GDAP1: variants seen among roughly 807,000 people sequenced by gnomAD.
The protein encoded by GDAP1 is ganglioside induced differentiation associated protein 1.
In GDAP1, 34 loss-of-function variants were observed where a neutral mutation model predicts 40.1. The observed-to-expected ratio is 0.85, with a 90% CI of 0.64 to 1.13. The LOEUF (loss-of-function observed/expected upper bound fraction) is 1.13. Among genes scored for constraint, GDAP1 ranks in the 50% most tolerant of loss-of-function variants. The pLI is 0.00. For missense variants in GDAP1, 374 were observed against 433.7 expected (o/e 0.86, Z 1.22); for synonymous variants, 170 against 157.4 (o/e 1.08, Z -0.60).
chr8:74,377,835 A>G (rs1168818706), intron 2 of GDAP1, among the ~76,000 whole-genome samples: 3 of 152,230 alleles, frequency 2.0e-5, no homozygotes, highest in East Asian at 3.8e-4. Flanking sequence ...TTCACTGTTT[A>G]TAGCTGCTTT....
chr8:74,474,985 A>G (rs1031471154), intron 2 of GDAP1, among the ~76,000 whole-genome samples: 1 of 151,754 alleles, frequency 6.6e-6, no homozygotes, highest in Non-Finnish European at 1.5e-5. Flanking sequence ...TGGTCTGTTC[A>G]GTCTTCCTGG....
chr8:74,395,048 G>A (rs1359220480), intron 2 of GDAP1, among the ~76,000 whole-genome samples: 1 of 151,992 alleles, frequency 6.6e-6, no homozygotes, highest in Non-Finnish European at 1.5e-5. Flanking sequence ...ACTTCTCATG[G>A]GCATTTTCTA....
At chr8:74,426,351 A>ACAAGAAGGTT (rs1805947587) in intron 2 of GDAP1, among the ~76,000 whole-genome samples, 1 of 152,222 alleles carries the variant, frequency 6.6e-6, no homozygotes, top group Non-Finnish European at 1.5e-5. Flanking sequence ...TACTAATCAA[A>ACAAGAAGGTT]CAAGAAGGTT....
At position 74,411,881 on chromosome 8, in the gene GDAP1, C is replaced by CA. The variant is rs112264288; in HGVS notation, c.165+60570dup. Among the ~76,000 whole-genome samples the CA allele has an allele frequency of 8.2e-4, 118 of 143,910 alleles. 3 individuals carry two copies. The highest frequency in any genetic ancestry group is 2.6e-3 in the South Asian group (12 of 4,622). The allele number at this position is 143,910 out of a possible 152,430, so 94.4% of individuals were successfully genotyped here. A position where few individuals can be genotyped will look rare whatever the true frequency, so the allele number is the denominator to read the frequency against. On this transcript the variant is annotated intron_variant, in intron 2 of 2. Transcript: ENST00000523640. ...TGAGCAATGGAGCAAGACCTTGTCT[C>CA]AAAAAAAAAATAATAATAACTTATG...
At chr8:74,467,133 A>G (rs962962526) in intron 2 of GDAP1, among the ~76,000 whole-genome samples, 1 of 152,228 alleles carries the variant, frequency 6.6e-6, no homozygotes. Context: ...TCTCAGTGAA[A>G]TAGAAGCAAA....
In GDAP1 at chr8:74,362,660, G is replaced by C. The variant is rs17342145; in HGVS notation, c.580-279G>C. 8.3e-3 allele frequency among the ~76,000 whole-genome samples: 1,256 copies of C among 152,092 alleles called. 18 individuals are homozygous for C. Among genetic ancestry groups the C allele is most frequent in the South Asian group, 0.04 (193 of 4,810 alleles). ...TTGGGCTTGGCAGATGGCTCTTCGT[G>C]TCCCTCCCATTCTTTGCCTTCTGTG... is the stretch of plus-strand genomic sequence containing the variant. On this transcript the variant is annotated intron_variant, in intron 4 of 5. Transcript: ENST00000220822.
rs937624258 is a variant in GDAP1, at chr8:74,399,282, G to A, written c.165+47961G>A. Among the ~76,000 whole-genome samples, 5 of 149,952 alleles carry A rather than the reference G, an allele frequency of 3.3e-5. No homozygotes were observed. In the East Asian group the frequency reaches 5.8e-4, roughly 17 times the overall value. On this transcript the variant is annotated intron_variant, in intron 2 of 2. Transcript: ENST00000523640. ...TTCTTCCTGGTTTAGTCTTGGGAGG[G>A]CGTATGTGTCAAGGGATTTATCCAT...
intron 2 of GDAP1, among the ~76,000 whole-genome samples, chr8:74,443,769 C>T (rs1381634233): frequency 3.3e-5 from 5 of 152,178 alleles, no homozygotes; most frequent in African/African-American, 4.8e-5. Context: ...CTTAGTCATT[C>T]TTTTTTCCAC....
At chr8:74,363,776 T>A (rs1809484715) in intron 5 of GDAP1, among the ~76,000 whole-genome samples, 1 of 152,192 alleles carries the variant, frequency 6.6e-6, no homozygotes, top group Non-Finnish European at 1.5e-5. Flanking sequence ...GTCAAGCAAG[T>A]CTCCTTTGGC....
intron 2 of GDAP1, among the ~76,000 whole-genome samples, chr8:74,442,255 C>G (rs1806171118): frequency 6.6e-6 from 1 of 152,212 alleles, no homozygotes; most frequent in Non-Finnish European, 1.5e-5. Flanking sequence ...TAAGTTCTTC[C>G]TTATAGCAAC....
chr8:74,469,537 G>T (rs868585576), intron 2 of GDAP1, among the ~76,000 whole-genome samples: 2 of 151,742 alleles, frequency 1.3e-5, no homozygotes, highest in African/African-American at 2.4e-5. Context: ...GCGCGGTGGC[G>T]GGCGCCTGTA....
intron 2 of GDAP1, among the ~76,000 whole-genome samples, chr8:74,448,906 C>T (rs71527256): frequency 1.2e-3 from 186 of 151,938 alleles, no homozygotes; most frequent in Non-Finnish European, 2.1e-3. Context: ...TTTATGAAGT[C>T]CAAATTAGCA....
intron 2 of GDAP1, among the ~76,000 whole-genome samples, chr8:74,466,871 G>C (rs1806475848): frequency 6.6e-6 from 1 of 152,130 alleles, no homozygotes. Flanking sequence ...AGATATTCAA[G>C]ACAAATGACA....
chr8:74,438,247 C>T (rs182264878), intron 2 of GDAP1, among the ~76,000 whole-genome samples: 9 of 151,964 alleles, frequency 5.9e-5, no homozygotes, highest in Admixed American at 2.6e-4. Flanking sequence ...TCCAGCCTGA[C>T]GACAGAGCGA....
intron 2 of GDAP1, among the ~76,000 whole-genome samples, chr8:74,478,325 G>C (rs1259822274): frequency 6.6e-6 from 1 of 152,138 alleles, no homozygotes; most frequent in African/African-American, 2.4e-5. Context: ...GGATGTTGGG[G>C]GTGGCCGTGG....
At chr8:74,419,348 G>T (rs1805826918) in intron 2 of GDAP1, among the ~76,000 whole-genome samples, 1 of 152,146 alleles carries the variant, frequency 6.6e-6, no homozygotes, top group South Asian at 2.1e-4. Context: ...CAATGAAAAA[G>T]AATGTCCTAT....
chr8:74,449,432 A>C (rs1035264115), intron 2 of GDAP1, among the ~76,000 whole-genome samples: 1 of 151,874 alleles, frequency 6.6e-6, no homozygotes, highest in Non-Finnish European at 1.5e-5. Flanking sequence ...AACTATCTTA[A>C]CAATACTGAC....
chr8:74,475,638 G>T (rs1382494590), intron 2 of GDAP1, among the ~76,000 whole-genome samples: 1 of 152,106 alleles, frequency 6.6e-6, no homozygotes, highest in Non-Finnish European at 1.5e-5. Flanking sequence ...TTGCCCTGTG[G>T]TCTGAAAGAG....
intron 2 of GDAP1, among the ~76,000 whole-genome samples, chr8:74,474,922 C>CT (rs1306218484): frequency 1.3e-5 from 2 of 151,932 alleles, no homozygotes; most frequent in African/African-American, 4.8e-5. Flanking sequence ...TGGTCCTGGG[C>CT]TTTTTTTGGT....
Sources: gnomAD v4.1 joint callset for allele counts (sites outside exome capture counted in the v4.1 genomes callset) on GRCh38, gnomAD v4.1.1 for gene constraint, MANE v1.5 for transcripts, NCBI Gene and HGNC (gene_info 2026-07-23, HGNC 2026-07-21) for gene names.